Variants in EVC observed in about 807,000 individuals in gnomAD.
The protein encoded by EVC is evC complex member EVC.
Under a neutral mutation model 118.9 loss-of-function variants are expected in EVC, and 116 were observed. The ratio of observed to expected loss-of-function variants is 0.98; its 90% CI spans 0.84 to 1.14. The LOEUF (loss-of-function observed/expected upper bound fraction) is 1.14. EVC is among the 50% of genes most tolerant of loss of function. The probability of loss-of-function intolerance (pLI) is 0.00; values close to 1 mark genes in which losing one functional copy is unlikely to be tolerated. For missense variants in EVC, 1,401 were observed against 1,246.4 expected, an observed-to-expected ratio of 1.12 and a Z score of -1.87; for synonymous variants, 619 against 534.7, an observed-to-expected ratio of 1.16 and a Z score of -2.18.
At chr4:5,759,844 C>T (rs1731733207) in intron 11 of EVC, among the ~76,000 whole-genome samples, 1 of 152,174 alleles carries the variant, frequency 6.6e-6, no homozygotes, top group Non-Finnish European at 1.5e-5. Context: ...GAGGGCGCGT[C>T]CTGACGACAC....
intron 13 of EVC, 49 bp downstream of exon 13, chr4:5,793,766 T>TGGAGGGAG: frequency 7.1e-7 from 1 of 1,415,834 alleles, no homozygotes; most frequent in Non-Finnish European, 9.8e-7. Flanking sequence ...TGCATGATGC[T>TGGAGGGAG]CCCTCCAGCC....
Position 5,811,507 on chromosome 4 carries a change from C to T in EVC, c.*470C>T, listed in dbSNP as rs1298767346. The T allele has an allele frequency of 4.9e-6, 1 of 204,068 alleles. No individual in the cohort carries two copies. Among genetic ancestry groups the T allele is most frequent in the Non-Finnish European group, 1.0e-5 (1 of 100,232 alleles). 12.6% of individuals were successfully genotyped at this position (204,068 alleles called of 1,614,324 possible). On this transcript the variant is annotated 3_prime_UTR_variant, in exon 21 of 21. Coordinates refer to ENST00000264956, the MANE Select transcript of EVC (RefSeq NM_153717.3). ...AGAGGGTGTGGCCCAACCCTCACTT[C>T]ACCTGGGGAGGGGCTTCTTCCGGAC...
intron 17 of EVC, among the ~76,000 whole-genome samples, chr4:5,807,033 C>T (rs1716030580): frequency 6.6e-6 from 1 of 152,068 alleles, no homozygotes; most frequent in Admixed American, 6.5e-5. Context: ...TAGTGGAACT[C>T]GGCCTCCTTT....
At position 5,745,335 on chromosome 4, in the gene EVC, C is replaced by A; in HGVS notation, c.933C>A (p.Ile311=). The A allele has an allele frequency of 1.2e-6, 2 of 1,613,776 alleles. No individual in the cohort carries two copies. Among genetic ancestry groups the A allele is most frequent in the Non-Finnish European group, 1.7e-6 (2 of 1,179,906 alleles). The change falls in exon 7 of 21, where the codon ATC becomes ATA. Residue 311 remains isoleucine, a synonymous_variant. Coordinates refer to ENST00000264956, the MANE Select transcript of EVC (RefSeq NM_153717.3). The part of the protein sequence containing the change: ...KKEREYSEQL[I]DNMEAFWKQM... The stretch of plus-strand genomic sequence containing the variant: ...AGAGAGAATACTCTGAACAGCTAAT[C>A]GATAATGTGCGTGCCAGACTTTCTT...
intron 8 of EVC, among the ~76,000 whole-genome samples, chr4:5,750,617 G>A (rs898083955): frequency 2.0e-5 from 3 of 152,158 alleles, no homozygotes; most frequent in African/African-American, 7.2e-5. Flanking sequence ...TCTGTGAAAT[G>A]GGGGCTATGA....
chr4:5,737,377 A>G lies in EVC; in HGVS notation c.702+3942A>G, dbSNP rs1727863661. Among the ~76,000 whole-genome samples, 1 of 152,266 alleles carries G rather than the reference A, an allele frequency of 6.6e-6. No homozygotes were observed. Among genetic ancestry groups the G allele is most frequent in the Admixed American group, 6.5e-5 (1 of 15,286 alleles). The stretch of plus-strand genomic sequence containing the variant: ...GCAAGTTACCCAGAAGATCTAGCTA[A>G]GACCATTGAGCAAGGTGGCTGCACT... On this transcript the variant is annotated intron_variant, in intron 5 of 20. Coordinates refer to ENST00000264956, the MANE Select transcript of EVC (RefSeq NM_153717.3). The surrounding 1 kb of genome is among the most constrained non-coding windows in gnomAD (Gnocchi z 5.0).
intron 5 of EVC, among the ~76,000 whole-genome samples, chr4:5,736,124 T>C (rs948778168): frequency 6.6e-6 from 1 of 152,070 alleles, no homozygotes; most frequent in African/African-American, 2.4e-5. Flanking sequence ...GTAACCTCTA[T>C]AAACAGAGTG....
rs763862267 is a variant in EVC at position 5,755,146 on chromosome 4, T to C, written c.1465-1118T>C. ...GCCACAAAGGGGTAGGGTAGGTTTTTCTATCTTTGAGACCCATTTGAAATA... is the reference window on the plus strand; with the variant it reads ...GCCACAAAGGGGTAGGGTAGGTTTTCCTATCTTTGAGACCCATTTGAAATA... On this transcript the variant is annotated intron_variant, in intron 10 of 20. Transcript: ENST00000264956. The surrounding 1 kb of genome is among the most constrained non-coding windows in gnomAD (Gnocchi z 4.1). Among the ~76,000 whole-genome samples, 1 of 152,190 alleles carries C rather than the reference T, an allele frequency of 6.6e-6. No individual in the cohort carries two copies. The highest frequency in any genetic ancestry group is 1.5e-5 in the Non-Finnish European group (1 of 68,032).
rs529069838 is a variant in EVC, at chr4:5,756,734, G to A, written c.1563+372G>A. ...AGGGGTTCTGGGCTGAAATGGGGAC[G>A]TCAGAGATCACATGCCACACCACCT... On this transcript the variant is annotated intron_variant, in intron 11 of 20. Transcript: ENST00000264956. The surrounding 1 kb of genome is among the most constrained non-coding windows in gnomAD (Gnocchi z 4.2). 3.9e-5 allele frequency among the ~76,000 whole-genome samples: 6 copies of A among 152,232 alleles called. No homozygotes were observed. Among genetic ancestry groups the A allele is most frequent in the South Asian group, 4.1e-4 (2 of 4,820 alleles).
At chr4:5,766,309 C>T (rs4333129) in intron 11 of EVC, among the ~76,000 whole-genome samples, 53,754 of 149,956 alleles carry the variant, frequency 0.36, 9,990 homozygotes, top group Admixed American at 0.47. Context: ...GTGGGTAACC[C>T]GACCTTTCTC....
At chr4:5,828,508 C>T in the EVC span, 7 of 1,614,178 alleles carry the variant, frequency 4.3e-6, no homozygotes, top group Non-Finnish European at 3.4e-6. Context: ...GATTTTGACG[C>T]GCTGGTACAG....
intron 11 of EVC, among the ~76,000 whole-genome samples, chr4:5,774,800 TAC>T (rs1424164142): frequency 6.6e-6 from 1 of 152,146 alleles, no homozygotes; most frequent in Non-Finnish European, 1.5e-5. Context: ...CTGACCCCTT[TAC>T]ACACACTGGG....
chr4:5,811,264 A>C lies in EVC; in HGVS notation c.*227A>C, dbSNP rs1246170119. The C allele has an allele frequency of 7.7e-6, 4 of 516,582 alleles. No homozygotes were observed. In the Admixed American group the frequency reaches 1.3e-4, roughly 16 times the overall value. The allele number at this position is 516,582 out of a possible 1,614,324, so 32.0% of individuals were successfully genotyped here. On this transcript the variant is annotated 3_prime_UTR_variant, in exon 21 of 21. Transcript: ENST00000264956. ...TGGAAACACGTCTCTGTGAGTTTGC[A>C]TTTCATTTGGCTTGGAGCCCTGGCT...
chr4:5,825,929 T>G, the EVC span: 6 of 492,598 alleles, frequency 1.2e-5, no homozygotes. The surrounding 1 kb of genome is among the most constrained non-coding windows in gnomAD (Gnocchi z 4.4). Context: ...CGCACTCACA[T>G]ACATGCAGTC....
chr4:5,828,439 T>A, the EVC span: 1 of 1,590,936 alleles, frequency 6.3e-7, no homozygotes. Context: ...CAAGAGACGC[T>A]GTCGGCTCTG....
At chr4:5,725,375 A>G (rs1454995606) in intron 2 of EVC, among the ~76,000 whole-genome samples, 1 of 152,084 alleles carries the variant, frequency 6.6e-6, no homozygotes, top group East Asian at 1.9e-4. Flanking sequence ...CCACAGCCTC[A>G]CCAGCATCTG....
At chr4:5,717,632 C>T (rs1724200111) in intron 1 of EVC, among the ~76,000 whole-genome samples, 1 of 152,020 alleles carries the variant, frequency 6.6e-6, no homozygotes, top group African/African-American at 2.4e-5. Flanking sequence ...CGACAGACTG[C>T]TGCATCTACA....
intron 5 of EVC, among the ~76,000 whole-genome samples, chr4:5,736,675 C>T (rs1401624409): frequency 2.6e-5 from 4 of 152,114 alleles, no homozygotes; most frequent in African/African-American, 9.7e-5. Context: ...TTATGGTGAT[C>T]TGTGATCAGT....
At chr4:5,729,464 G>A in intron 3 of EVC, 74 bp downstream of exon 3, 1 of 1,382,404 alleles carries the variant, frequency 7.2e-7, no homozygotes. Flanking sequence ...GAAAGTGGGG[G>A]GATTAACTGT....
Sources: allele counts gnomAD v4.1 joint callset (sites outside exome capture counted in the v4.1 genomes callset), GRCh38; gene constraint gnomAD v4.1.1; non-coding constraint Gnocchi (gnomAD v3.1); transcripts MANE v1.5; gene names NCBI Gene and HGNC (gene_info 2026-07-23, HGNC 2026-07-21).